The following CFAP20DC variants were observed in gnomAD, a reference collection of about 807,000 sequenced individuals.
The protein encoded by CFAP20DC is CFAP20 domain containing.
In CFAP20DC, 84 loss-of-function variants were observed where a neutral mutation model predicts 101.7. The ratio of observed to expected loss-of-function variants is 0.83; its 90% CI spans 0.69 to 0.99. The LOEUF (loss-of-function observed/expected upper bound fraction) is 0.99, where lower values mean the gene tolerates loss of function less well. Among genes scored for constraint, CFAP20DC ranks in the 50% least tolerant of loss-of-function variants. The pLI is 0.00. For synonymous variants in CFAP20DC, 359 were observed against 351.2 expected, an observed-to-expected ratio of 1.02 and a Z score of -0.25; for missense variants, 1,007 against 970.3, an observed-to-expected ratio of 1.04 and a Z score of -0.50.
chr3:58,968,028 A>C (rs905074054), intron 4 of CFAP20DC, among the ~76,000 whole-genome samples: 1 of 152,224 alleles, frequency 6.6e-6, no homozygotes, highest in Admixed American at 6.5e-5. Context: ...ATATTCCTGC[A>C]AAAGACATGA....
At chr3:58,853,585 A>C (rs1326959013) in intron 12 of CFAP20DC, among the ~76,000 whole-genome samples, 1 of 152,036 alleles carries the variant, frequency 6.6e-6, no homozygotes, top group African/African-American at 2.4e-5. Flanking sequence ...AAAATCCTCA[A>C]TAAAATACTG....
chr3:58,752,818 C>CT (rs1244143658), intron 16 of CFAP20DC, among the ~76,000 whole-genome samples: 1 of 152,090 alleles, frequency 6.6e-6, no homozygotes, highest in East Asian at 1.9e-4. Flanking sequence ...CGATGCTCTA[C>CT]TTTTTTCCCT....
In CFAP20DC at chr3:58,859,520, T is replaced by C. The variant is rs528860030; in HGVS notation, c.1593+4038A>G. 3.3e-5 allele frequency among the ~76,000 whole-genome samples: 5 copies of C among 152,322 alleles called. No homozygotes were observed. Among genetic ancestry groups the C allele is most frequent in the African/African-American group, 9.6e-5 (4 of 41,568 alleles). On this transcript the variant is annotated intron_variant, in intron 12 of 16. Coordinates refer to ENST00000482387, the MANE Select transcript of CFAP20DC (RefSeq NM_001394063.1). This position sits in a 1 kb window ranked among gnomAD's most constrained non-coding sequence, Gnocchi z 4.1. ...CAAATAGACAAGCATTTTGTAACTTTCTTCATCTGCCTATAACAATACAAA... is the reference window on the plus strand; with the variant it reads ...CAAATAGACAAGCATTTTGTAACTTCCTTCATCTGCCTATAACAATACAAA...
At chr3:58,999,235 G>C (rs375206987) in intron 4 of CFAP20DC, among the ~76,000 whole-genome samples, 1 of 152,198 alleles carries the variant, frequency 6.6e-6, no homozygotes, top group Admixed American at 6.5e-5. Context: ...TTTATGTGGT[G>C]GAAAATTAGA....
intron 4 of CFAP20DC, among the ~76,000 whole-genome samples, chr3:58,999,824 C>A: frequency 7.7e-6 from 1 of 129,262 alleles, no homozygotes. Flanking sequence ...CTGTCAGAGC[C>A]AAAAGGGAGT....
In CFAP20DC at chr3:58,917,260, C is replaced by A. The variant is rs145731618; in HGVS notation, c.394-3396G>T. ...ATGTTTGGAATATGGCTTTATTATA[C>A]TGTTGAAAGGAATGCAAATTCTGTG... On this transcript the variant is annotated intron_variant, in intron 5 of 16. Transcript: ENST00000482387. Among the ~76,000 whole-genome samples, 489 of 152,164 alleles carry A rather than the reference C, an allele frequency of 3.2e-3. 1 individual carries two copies. The highest frequency in any genetic ancestry group is 4.9e-3 in the Non-Finnish European group (334 of 67,982).
intron 4 of CFAP20DC, among the ~76,000 whole-genome samples, chr3:58,990,956 T>C (rs1193812744): frequency 6.6e-6 from 1 of 152,230 alleles, no homozygotes; most frequent in Non-Finnish European, 1.5e-5. Context: ...CATACCAGAA[T>C]GCAAACTTCA....
At chr3:58,960,497 A>G (rs1392917053) in intron 4 of CFAP20DC, among the ~76,000 whole-genome samples, 1 of 152,032 alleles carries the variant, frequency 6.6e-6, no homozygotes, top group Non-Finnish European at 1.5e-5. Context: ...GTCTCAAAAA[A>G]AAAAAAAAAA....
intron 12 of CFAP20DC, among the ~76,000 whole-genome samples, chr3:58,854,296 T>TC: frequency 6.6e-6 from 1 of 151,526 alleles, no homozygotes; most frequent in Non-Finnish European, 1.5e-5. Context: ...AAGGACCTCT[T>TC]CAAGGAGAAC....
rs10670247 is a variant in CFAP20DC at position 58,870,053 on chromosome 3, G to GTGTC, written c.852+116_852+119dup. On this transcript the variant is annotated intron_variant, in intron 8 of 16. Transcript: ENST00000482387. ...TCAAGCCTTCTGCTTTTGGCATGTAGTGTCTGTCTGTCTGTCTGTCTGTCT... is the reference window on the plus strand; with the variant it reads ...TCAAGCCTTCTGCTTTTGGCATGTAGTGTCTGTCTGTCTGTCTGTCTGTCTGTCT... 8.2e-3 allele frequency: 7,465 copies of GTGTC among 915,532 alleles called. 461 individuals carry two copies. The African/African-American group carries it at 0.11, about 14-fold the overall frequency. The allele number at this position is 915,532 out of a possible 1,614,324, so 56.7% of individuals were successfully genotyped here.
intron 5 of CFAP20DC, among the ~76,000 whole-genome samples, chr3:58,937,415 C>G (rs1381985441): frequency 6.6e-6 from 1 of 152,208 alleles, no homozygotes; most frequent in Admixed American, 6.5e-5. Flanking sequence ...AGCACTTTCT[C>G]TCTCCACTGT....
intron 5 of CFAP20DC, among the ~76,000 whole-genome samples, chr3:58,917,861 G>A (rs1202313044): frequency 2.0e-5 from 3 of 152,130 alleles, no homozygotes; most frequent in Admixed American, 1.3e-4. Context: ...GAGAGGAGAG[G>A]AAGGAAAGCT....
rs1035319526 is a variant in CFAP20DC, at chr3:58,759,636, T to G, written c.2238-5773A>C. Among the ~76,000 whole-genome samples, 11 of 152,340 alleles carry G rather than the reference T, an allele frequency of 7.2e-5. No individual in the cohort carries two copies. The South Asian group carries it at 1.9e-3, about 26-fold the overall frequency. On this transcript the variant is annotated intron_variant, in intron 15 of 16. Coordinates refer to ENST00000482387, the MANE Select transcript of CFAP20DC (RefSeq NM_001394063.1). ...TGCCTATGTCCTGGATGGTATTGCCTAGGTTTTCTTCTAGGGTTTTTATGG... is the reference window on the plus strand; with the variant it reads ...TGCCTATGTCCTGGATGGTATTGCCGAGGTTTTCTTCTAGGGTTTTTATGG...
At chr3:58,759,897 T>A (rs1207166244) in intron 15 of CFAP20DC, among the ~76,000 whole-genome samples, 1 of 152,180 alleles carries the variant, frequency 6.6e-6, no homozygotes, top group Non-Finnish European at 1.5e-5. Flanking sequence ...GATCTATATC[T>A]CTGTTTTGGT....
chr3:58,918,814 T>G (rs2085020062), intron 5 of CFAP20DC, among the ~76,000 whole-genome samples: 1 of 152,160 alleles, frequency 6.6e-6, no homozygotes, highest in South Asian at 2.1e-4. Flanking sequence ...TCTCTGGGCC[T>G]CCTTTTCCTC....
chr3:58,820,160 T>C (rs2075522745), intron 14 of CFAP20DC, among the ~76,000 whole-genome samples: 1 of 152,016 alleles, frequency 6.6e-6, no homozygotes, highest in Admixed American at 6.6e-5. Flanking sequence ...ATAAGAGCTA[T>C]CTATGACAAA....
At chr3:58,959,399 C>G (rs2090939439) in intron 4 of CFAP20DC, among the ~76,000 whole-genome samples, 1 of 152,068 alleles carries the variant, frequency 6.6e-6, no homozygotes, top group Non-Finnish European at 1.5e-5. Flanking sequence ...TGGCCAAAGT[C>G]TTATATTTGA....
rs2079437720 is a variant in CFAP20DC at position 58,863,664 on chromosome 3, G to T, written c.1487C>A (p.Ser496Tyr). Reference protein sequence around the residue: ...SAPHGKTQTMSPEELSFILDL... With the variant: ...SAPHGKTQTMYPEELSFILDL... The stretch of plus-strand genomic sequence containing the variant: ...CAAAATAAATGAGAGCTCCTCTGGG[G>T]ACATAGTCTGAGTCTTTCCATGAGG... The change falls in exon 12 of 17, where the codon TCC becomes TAC. Residue 496 changes from serine to tyrosine, a missense_variant. Coordinates refer to ENST00000482387, the MANE Select transcript of CFAP20DC (RefSeq NM_001394063.1). The surrounding 1 kb of genome is among the most constrained non-coding windows in gnomAD (Gnocchi z 5.9). 2 of 1,614,014 alleles carry T rather than the reference G, an allele frequency of 1.2e-6. No individual in the cohort carries two copies. Among genetic ancestry groups the T allele is most frequent in the Non-Finnish European group, 1.7e-6 (2 of 1,180,036 alleles).
At chr3:58,777,132 C>A (rs1020949408) in intron 15 of CFAP20DC, among the ~76,000 whole-genome samples, 16 of 152,098 alleles carry the variant, frequency 1.1e-4, no homozygotes, top group African/African-American at 3.9e-4. Context: ...AACTCAAAGT[C>A]ATTCTTCTGT....
Sources: gnomAD v4.1 joint callset for allele counts (sites outside exome capture counted in the v4.1 genomes callset) on GRCh38, gnomAD v4.1.1 for gene constraint, Gnocchi (gnomAD v3.1) non-coding constraint, MANE v1.5 for transcripts, NCBI Gene and HGNC (gene_info 2026-07-23, HGNC 2026-07-21) for gene names.